The following KIRREL1 variants were observed in gnomAD, a reference collection of about 807,000 sequenced individuals.
The protein encoded by KIRREL1 is kin of IRRE-like protein 1.
Under a neutral mutation model 83.3 loss-of-function variants are expected in KIRREL1, and 25 were observed. The ratio of observed to expected loss-of-function variants is 0.30; its 90% CI spans 0.22 to 0.42. The LOEUF (loss-of-function observed/expected upper bound fraction) is 0.42, where lower values mean the gene tolerates loss of function less well. Among genes scored for constraint, KIRREL1 ranks in the 10% least tolerant of loss-of-function variants. The probability of loss-of-function intolerance (pLI) is 1.00; values close to 1 mark genes in which losing one functional copy is unlikely to be tolerated. For synonymous variants in KIRREL1, 388 were observed against 410.4 expected (o/e 0.95, Z 0.66); for missense variants, 812 against 1,032.3 (o/e 0.79, Z 2.92).
chr1:158,024,851 C>T (rs1039110186), intron 1 of KIRREL1, among the ~76,000 whole-genome samples: 2 of 152,074 alleles, frequency 1.3e-5, no homozygotes, highest in Admixed American at 6.6e-5. Context: ...GGGAGGGGTG[C>T]GGAAAAACCA....
In KIRREL1 at chr1:158,076,383, C is replaced by T; in HGVS notation, c.202+121C>T. 5.8e-6 allele frequency: 5 copies of T among 865,682 alleles called. No individual in the cohort carries two copies. The South Asian group carries it at 6.3e-5, about 11-fold the overall frequency. The allele number at this position is 865,682 out of a possible 1,614,324, so 53.6% of individuals were successfully genotyped here. A position where few individuals can be genotyped will look rare whatever the true frequency, so the allele number is the denominator to read the frequency against. On this transcript the variant is annotated intron_variant, in intron 2 of 14. Transcript: ENST00000359209. ...CTCACCACCCTCCTCTGTGCCACAG[C>T]CTCCCCTCTGTCTCTGCTACTGAGC...
intron 1 of KIRREL1, among the ~76,000 whole-genome samples, chr1:158,060,802 C>G (rs544262965): frequency 3.9e-5 from 6 of 152,302 alleles, no homozygotes; most frequent in Admixed American, 1.3e-4. Context: ...GGGAAGTGTC[C>G]TTCCGCTCTC....
chr1:158,066,236 T>C (rs1181107211), intron 1 of KIRREL1, among the ~76,000 whole-genome samples: 1 of 145,444 alleles, frequency 6.9e-6, no homozygotes, highest in African/African-American at 2.5e-5. Flanking sequence ...AAATAAAGAA[T>C]GTTGGAGTGG....
Position 158,076,110 on chromosome 1 carries a change from C to T in KIRREL1, c.53-3C>T. The T allele has an allele frequency of 6.2e-7, 1 of 1,613,266 alleles. No individual in the cohort carries two copies. Among genetic ancestry groups the T allele is most frequent in the Non-Finnish European group, 8.5e-7 (1 of 1,179,636 alleles). On this transcript the variant is annotated splice_region_variant and splice_polypyrimidine_tract_variant and intron_variant, in intron 1 of 14. Transcript: ENST00000359209. ...TTACCCAGTGCTGGCTTTGGCTTTG[C>T]AGGGACCCAGACCCGCTTCAGCCAG...
intron 1 of KIRREL1, among the ~76,000 whole-genome samples, chr1:158,026,711 G>A (rs1414868909): frequency 4.6e-5 from 7 of 152,126 alleles, no homozygotes; most frequent in East Asian, 3.8e-4. Flanking sequence ...AACAGGAATC[G>A]GAGTCACAGA....
At chr1:158,075,080 G>A (rs756642272) in intron 1 of KIRREL1, among the ~76,000 whole-genome samples, 1 of 152,092 alleles carries the variant, frequency 6.6e-6, no homozygotes, top group Non-Finnish European at 1.5e-5. Context: ...CCACAACTTG[G>A]CAAAGGAACC....
intron 1 of KIRREL1, among the ~76,000 whole-genome samples, chr1:157,997,217 G>A (rs1425828161): frequency 1.3e-5 from 2 of 152,168 alleles, no homozygotes; most frequent in Non-Finnish European, 2.9e-5. Context: ...TTTGGTAGTC[G>A]TAAGCTTGAA....
chr1:158,030,236 T>C (rs926836814), intron 1 of KIRREL1, among the ~76,000 whole-genome samples: 1 of 152,242 alleles, frequency 6.6e-6, no homozygotes, highest in Non-Finnish European at 1.5e-5. Flanking sequence ...CCCAGGCTGC[T>C]GAATTTTGTG....
intron 3 of KIRREL1, among the ~76,000 whole-genome samples, chr1:158,081,791 T>A (rs1412132823): frequency 6.6e-6 from 1 of 152,148 alleles, no homozygotes; most frequent in Non-Finnish European, 1.5e-5. Context: ...AAAGGTAGAC[T>A]GCTGGCAGAG....
intron 1 of KIRREL1, among the ~76,000 whole-genome samples, chr1:158,002,516 T>A (rs767085892): frequency 2.6e-5 from 4 of 151,752 alleles, no homozygotes; most frequent in Non-Finnish European, 5.9e-5. Context: ...CCAGGGGGGG[T>A]GAGAGCATGT....
chr1:158,047,704 G>A (rs1660810674), intron 1 of KIRREL1, among the ~76,000 whole-genome samples: 1 of 152,068 alleles, frequency 6.6e-6, no homozygotes, highest in Non-Finnish European at 1.5e-5. Context: ...CTTGCCTAAG[G>A]TCACTTCATT....
At chr1:158,093,199 C>A (rs1486784085) in intron 11 of KIRREL1, 140 bp from the exon 12 acceptor site, 1 of 710,820 alleles carries the variant, frequency 1.4e-6, no homozygotes. Flanking sequence ...CTAACACTGT[C>A]CCCAGGCTCA....
rs762389639 is a variant in KIRREL1, at chr1:158,094,376, G to A, written c.1783G>A (p.Glu595Lys). 2 of 1,612,938 alleles carry A rather than the reference G, an allele frequency of 1.2e-6. No individual in the cohort carries two copies. Among genetic ancestry groups the A allele is most frequent in the East Asian group, 2.2e-5 (1 of 44,834 alleles). The change falls in exon 14 of 15, where the codon GAG (glutamate) becomes AAG (lysine). Residue 595 changes from glutamate to lysine, a missense_variant. Glu to Lys is a moderately conservative substitution (Grantham distance 56). This residue lies in a region of KIRREL1 where 334 missense variants were observed against 383.7 expected (regional missense o/e 0.87). Coordinates refer to ENST00000359209, the MANE Select transcript of KIRREL1 (RefSeq NM_018240.7). The surrounding 1 kb of genome is among the most constrained non-coding windows in gnomAD (Gnocchi z 4.6). ...LRCDTIDTRE[E>K]YEMKDPTNGY... ...CTGCGACACCATCGACACCCGGGAGGAGTATGAGATGAAGGTGGGAAAGGG... is the reference window on the plus strand; with the variant it reads ...CTGCGACACCATCGACACCCGGGAGAAGTATGAGATGAAGGTGGGAAAGGG...
intron 1 of KIRREL1, among the ~76,000 whole-genome samples, chr1:158,041,284 T>C (rs1660619447): frequency 6.6e-6 from 1 of 152,220 alleles, no homozygotes; most frequent in East Asian, 1.9e-4. Flanking sequence ...TGCATACATC[T>C]CACAACTCCC....
intron 1 of KIRREL1, among the ~76,000 whole-genome samples, chr1:158,028,847 G>A (rs1660241691): frequency 6.6e-6 from 1 of 152,170 alleles, no homozygotes; most frequent in South Asian, 2.1e-4. Flanking sequence ...GGTAGAACCA[G>A]ATAAAGTCAG....
At chr1:158,055,523 GC>G (rs1277533050) in intron 1 of KIRREL1, among the ~76,000 whole-genome samples, 4 of 152,194 alleles carry the variant, frequency 2.6e-5, no homozygotes, top group Non-Finnish European at 5.9e-5. Context: ...AAGAGTGGCG[GC>G]CCCACTTCCT....
At chr1:158,012,736 A>C (rs1170872189) in intron 1 of KIRREL1, among the ~76,000 whole-genome samples, 2 of 152,270 alleles carry the variant, frequency 1.3e-5, no homozygotes, top group East Asian at 3.8e-4. Context: ...CTATAGGGGC[A>C]AGGGCCTTCT....
intron 1 of KIRREL1, among the ~76,000 whole-genome samples, chr1:158,052,037 C>A (rs899884659): frequency 6.6e-6 from 1 of 152,112 alleles, no homozygotes; most frequent in African/African-American, 2.4e-5. Flanking sequence ...GCTGTACCTA[C>A]CCTCCCTCTA....
At chr1:158,033,645 C>G (rs1660389010) in intron 1 of KIRREL1, among the ~76,000 whole-genome samples, 1 of 152,188 alleles carries the variant, frequency 6.6e-6, no homozygotes, top group Non-Finnish European at 1.5e-5. Flanking sequence ...TCTTGTTTCG[C>G]CCTTGACTAC....
Sources: allele counts gnomAD v4.1 joint callset (sites outside exome capture counted in the v4.1 genomes callset), GRCh38; gene constraint gnomAD v4.1.1; regional missense constraint gnomAD v4.1.1; non-coding constraint Gnocchi (gnomAD v3.1); transcripts MANE v1.5; gene names NCBI Gene and HGNC (gene_info 2026-07-23, HGNC 2026-07-21).